The following CSGALNACT1 variants were observed in gnomAD, a reference collection of about 807,000 sequenced individuals.
The protein encoded by CSGALNACT1 is beta4GalNAcT-1.
In CSGALNACT1, 52 loss-of-function variants were observed where a neutral mutation model predicts 51.0. The ratio of observed to expected loss-of-function variants is 1.02; its 90% CI spans 0.82 to 1.29. The LOEUF (loss-of-function observed/expected upper bound fraction) is 1.29. Ranked by LOEUF, CSGALNACT1 falls within the 50% of genes most tolerant of loss-of-function variation. The pLI is 0.00. For synonymous variants in CSGALNACT1, 341 were observed against 254.4 expected, an observed-to-expected ratio of 1.34 and a Z score of -3.24; for missense variants, 935 against 679.2, an observed-to-expected ratio of 1.38 and a Z score of -4.19.
At chr8:19,408,258 C>G (rs1335943976) in intron 9 of CSGALNACT1, among the ~76,000 whole-genome samples, 1 of 151,954 alleles carries the variant, frequency 6.6e-6, no homozygotes, top group African/African-American at 2.4e-5. Context: ...GGCTAAAATG[C>G]CACCTACTAC....
At chr8:19,500,605 C>A (rs2153984697) in intron 4 of CSGALNACT1, among the ~76,000 whole-genome samples, 1 of 152,284 alleles carries the variant, frequency 6.6e-6, no homozygotes, top group Admixed American at 6.5e-5. Flanking sequence ...CAGAGCATTC[C>A]TTACAGGCTA....
chr8:19,720,411 C>T (rs143111496), intron 1 of CSGALNACT1, among the ~76,000 whole-genome samples: 26 of 152,246 alleles, frequency 1.7e-4, no homozygotes, highest in Non-Finnish European at 2.9e-4. Flanking sequence ...AGCTGGGGTG[C>T]TCAAAAGAGT....
intron 3 of CSGALNACT1, among the ~76,000 whole-genome samples, chr8:19,578,169 C>T (rs2044715312): frequency 6.6e-6 from 1 of 152,198 alleles, no homozygotes; most frequent in Non-Finnish European, 1.5e-5. Context: ...ATGATGCCAT[C>T]ATCAAATTCT....
At chr8:19,568,104 T>A (rs560324338) in intron 3 of CSGALNACT1, among the ~76,000 whole-genome samples, 1 of 152,296 alleles carries the variant, frequency 6.6e-6, no homozygotes, top group South Asian at 2.1e-4. Flanking sequence ...TGTAGAGATA[T>A]CTTGATTTGT....
At chr8:19,595,073 T>C (rs2048618573) in intron 2 of CSGALNACT1, among the ~76,000 whole-genome samples, 1 of 152,214 alleles carries the variant, frequency 6.6e-6, no homozygotes, top group Non-Finnish European at 1.5e-5. Context: ...AATAGATTCC[T>C]TTCCTGCTTA....
At chr8:19,404,966 G>C in exon 10 of CSGALNACT1, 1 of 454,084 alleles carries the variant, frequency 2.2e-6, no homozygotes, top group Non-Finnish European at 4.4e-6. Flanking sequence ...GTGCCTGACA[G>C]AATCAGCATT....
At chr8:19,447,078 G>A (rs184908777) in intron 5 of CSGALNACT1, among the ~76,000 whole-genome samples, 45 of 152,248 alleles carry the variant, frequency 3.0e-4, no homozygotes, top group African/African-American at 1.1e-3. Flanking sequence ...GAATCTGCAC[G>A]CCTGCCCTGT....
At chr8:19,458,112 G>T (rs2064517401) in intron 5 of CSGALNACT1, among the ~76,000 whole-genome samples, 2 of 152,140 alleles carry the variant, frequency 1.3e-5, no homozygotes, top group South Asian at 2.1e-4. Flanking sequence ...CTTGGTTCCT[G>T]CTATCCCCAA....
upstream of CSGALNACT1, among the ~76,000 whole-genome samples, chr8:19,605,373 T>C (rs1276684291): frequency 6.6e-6 from 1 of 151,768 alleles, no homozygotes; most frequent in Admixed American, 6.6e-5. Context: ...GAGGTGGAGG[T>C]CGCAGTGAGC....
At chr8:19,686,720 C>T (rs1301360237), upstream of CSGALNACT1, among the ~76,000 whole-genome samples, 1 of 152,182 alleles carries the variant, frequency 6.6e-6, no homozygotes, top group African/African-American at 2.4e-5. Context: ...ATAATAGAAG[C>T]TGGACAGGGA....
rs77653646 is a variant in CSGALNACT1, at chr8:19,749,217, G to GT, written c.-297+8632dup. 2.8e-3 allele frequency among the ~76,000 whole-genome samples: 395 copies of GT among 139,906 alleles called. 4 individuals carry two copies. Among genetic ancestry groups the GT allele is most frequent in the South Asian group, 1.8e-3 (8 of 4,436 alleles). 91.8% of individuals were successfully genotyped at this position (139,906 alleles called of 152,430 possible). Reference sequence around the variant, plus strand: ...TCTTCCCACTAAGCTGTCCTTCTGTGTTTTTTTTTTTTAAGTTTGCTTGTT... The same window carrying GT: ...TCTTCCCACTAAGCTGTCCTTCTGTGTTTTTTTTTTTTTAAGTTTGCTTGTT... On this transcript the variant is annotated intron_variant, in intron 1 of 1. Coordinates refer to the CSGALNACT1 transcript ENST00000517494.
chr8:19,408,961 C>CACACAG (rs1344322805), intron 8 of CSGALNACT1, among the ~76,000 whole-genome samples: 1 of 151,676 alleles, frequency 6.6e-6, no homozygotes, highest in East Asian at 1.9e-4. Context: ...CACACACACA[C>CACACAG]ACACACACAC....
chr8:19,599,932 C>T (rs951310019), intron 2 of CSGALNACT1, among the ~76,000 whole-genome samples: 1 of 152,204 alleles, frequency 6.6e-6, no homozygotes, highest in South Asian at 2.1e-4. Flanking sequence ...CACAGGATCC[C>T]AGCAAGGGGA....
intron 2 of CSGALNACT1, among the ~76,000 whole-genome samples, chr8:19,600,367 A>T (rs1310232057): frequency 6.6e-6 from 1 of 152,164 alleles, no homozygotes; most frequent in Non-Finnish European, 1.5e-5. Context: ...GGAGTGAGCC[A>T]CCGCACCCAG....
chr8:19,597,661 C>T (rs541083256), intron 2 of CSGALNACT1, among the ~76,000 whole-genome samples: 2 of 152,236 alleles, frequency 1.3e-5, no homozygotes, highest in South Asian at 2.1e-4. Flanking sequence ...GGAGTCCGAT[C>T]CCTTGCCTCC....
intron 3 of CSGALNACT1, among the ~76,000 whole-genome samples, chr8:19,536,332 T>C (rs2083738950): frequency 8.2e-6 from 1 of 122,514 alleles, no homozygotes; most frequent in South Asian, 2.5e-4. Context: ...CTTCAAAATT[T>C]TGTAAAAAAT....
chr8:19,690,990 G>A (rs547530288), intron 1 of CSGALNACT1, among the ~76,000 whole-genome samples: 3 of 152,292 alleles, frequency 2.0e-5, no homozygotes, highest in African/African-American at 7.2e-5. Context: ...ACTTAGGAAG[G>A]CCAAGAGAGG....
At chr8:19,504,264 G>C (rs541489947) in intron 4 of CSGALNACT1, among the ~76,000 whole-genome samples, 1 of 152,110 alleles carries the variant, frequency 6.6e-6, no homozygotes, top group Admixed American at 6.6e-5. Flanking sequence ...TTTTAGTAGA[G>C]ATGGGGTTTC....
At chr8:19,442,824 CAG>C (rs1209766948) in intron 5 of CSGALNACT1, among the ~76,000 whole-genome samples, 3 of 152,078 alleles carry the variant, frequency 2.0e-5, no homozygotes, top group Non-Finnish European at 4.4e-5. Context: ...GGGCCAAACA[CAG>C]AGTCTTAAAG....
Sources: allele counts gnomAD v4.1 joint callset (sites outside exome capture counted in the v4.1 genomes callset), GRCh38; gene constraint gnomAD v4.1.1; transcripts MANE v1.5; gene names NCBI Gene and HGNC (gene_info 2026-07-23, HGNC 2026-07-21).